Variants in SGCZ observed in about 807,000 individuals in gnomAD.
The protein encoded by SGCZ is sarcoglycan zeta.
In SGCZ, 40 loss-of-function variants were observed where a neutral mutation model predicts 41.3. That is an observed-to-expected ratio of 0.97 (90% CI 0.75 to 1.26). The LOEUF (loss-of-function observed/expected upper bound fraction) is 1.26. Among genes scored for constraint, SGCZ ranks in the 50% most tolerant of loss-of-function variants. The pLI, the probability that SGCZ is intolerant of heterozygous loss-of-function variation, is 0.00. For missense variants in SGCZ, 552 were observed against 369.8 expected (o/e 1.49, Z -4.04); for synonymous variants, 206 against 137.5 (o/e 1.50, Z -3.49).
chr8:14,971,626 G>T (rs540254199), intron 1 of SGCZ, among the ~76,000 whole-genome samples: 24 of 148,572 alleles, frequency 1.6e-4, no homozygotes, highest in Non-Finnish European at 3.3e-4. Context: ...TGGTCATGAG[G>T]CATTACTCAT....
At chr8:14,858,583 C>G (rs951382776) in intron 1 of SGCZ, among the ~76,000 whole-genome samples, 3 of 152,052 alleles carry the variant, frequency 2.0e-5, no homozygotes, top group Non-Finnish European at 2.9e-5. Context: ...ACAATGAAAG[C>G]CAGCACAATT....
chr8:15,058,016 C>T (rs940370736), intron 1 of SGCZ, among the ~76,000 whole-genome samples: 2 of 152,000 alleles, frequency 1.3e-5, no homozygotes, highest in African/African-American at 2.4e-5. Flanking sequence ...AACACAGATT[C>T]AAGGAGTCAT....
intron 1 of SGCZ, among the ~76,000 whole-genome samples, chr8:14,644,164 G>A (rs890683407): frequency 5.9e-5 from 9 of 151,698 alleles, no homozygotes; most frequent in African/African-American, 2.2e-4. Flanking sequence ...GTGCCCAGTT[G>A]TTTAGTCAAG....
intron 3 of SGCZ, among the ~76,000 whole-genome samples, chr8:14,289,628 G>C (rs1023790696): frequency 5.3e-5 from 8 of 151,922 alleles, no homozygotes; most frequent in African/African-American, 1.9e-4. Context: ...GGTCATGATA[G>C]CTTTGTATAG....
At chr8:14,493,799 T>A (rs575148006) in intron 2 of SGCZ, among the ~76,000 whole-genome samples, 4 of 152,270 alleles carry the variant, frequency 2.6e-5, no homozygotes, top group African/African-American at 7.2e-5. Flanking sequence ...CATAACAGTG[T>A]GTAACTTTCC....
intron 3 of SGCZ, among the ~76,000 whole-genome samples, chr8:14,253,231 A>C (rs1799346964): frequency 8.0e-6 from 1 of 124,618 alleles, no homozygotes; most frequent in South Asian, 2.5e-4. Flanking sequence ...CTAAAAAATA[A>C]GTTGTGTGTA....
chr8:14,302,610 T>A (rs1041248592), intron 3 of SGCZ, among the ~76,000 whole-genome samples: 1 of 152,098 alleles, frequency 6.6e-6, no homozygotes, highest in African/African-American at 2.4e-5. Context: ...GGCTGGCTCC[T>A]TCATCTGCCC....
chr8:14,198,461 C>G (rs1020783064), intron 4 of SGCZ, among the ~76,000 whole-genome samples: 4 of 151,952 alleles, frequency 2.6e-5, no homozygotes, highest in African/African-American at 9.7e-5. Context: ...AAGGAGAGAG[C>G]CAAGGGTTGT....
At chr8:14,392,437 T>G (rs1308262437) in intron 2 of SGCZ, among the ~76,000 whole-genome samples, 4 of 152,298 alleles carry the variant, frequency 2.6e-5, no homozygotes, top group African/African-American at 9.6e-5. Context: ...TGAATGAGTT[T>G]AAGGCTGGTT....
chr8:14,112,374 G>A (rs1475162816), intron 5 of SGCZ, among the ~76,000 whole-genome samples: 4 of 148,408 alleles, frequency 2.7e-5, no homozygotes, highest in Non-Finnish European at 5.9e-5. Flanking sequence ...AGTCCATGGG[G>A]CAAAGGTTAA....
At chr8:14,878,850 C>A (rs188313463) in intron 1 of SGCZ, among the ~76,000 whole-genome samples, 107 of 152,272 alleles carry the variant, frequency 7.0e-4, no homozygotes, top group African/African-American at 2.4e-3. Flanking sequence ...TTTCAAGAAA[C>A]AGATGGACAG....
intron 3 of SGCZ, among the ~76,000 whole-genome samples, chr8:14,269,501 T>C (rs554766195): frequency 5.4e-4 from 82 of 152,308 alleles, no homozygotes; most frequent in African/African-American, 2.0e-3. Flanking sequence ...AAGACAATAC[T>C]GAGCTGCTGT....
chr8:15,019,419 C>T (rs750101436), intron 1 of SGCZ, among the ~76,000 whole-genome samples: 10 of 152,220 alleles, frequency 6.6e-5, no homozygotes, highest in Non-Finnish European at 1.5e-4. Context: ...ATATGTTAGG[C>T]TGATTTCTGA....
chr8:15,120,894 G>A (rs117814622), intron 1 of SGCZ, among the ~76,000 whole-genome samples: 2,433 of 152,172 alleles, frequency 0.016, 172 homozygotes, highest in Admixed American at 0.13. Flanking sequence ...TATCAGCCCC[G>A]GGAATTAATC....
At chr8:15,019,484 C>T (rs1020408185) in intron 1 of SGCZ, among the ~76,000 whole-genome samples, 1 of 152,090 alleles carries the variant, frequency 6.6e-6, no homozygotes, top group Non-Finnish European at 1.5e-5. Context: ...CCCCAGCACT[C>T]CTTTCTGTGG....
chr8:14,290,881 T>A (rs6530757), intron 3 of SGCZ, among the ~76,000 whole-genome samples: 1 of 152,096 alleles, frequency 6.6e-6, no homozygotes, highest in Admixed American at 6.6e-5. Context: ...TGAAGAGATA[T>A]CTGCACTCCT....
At chr8:15,128,402 C>T (rs1452346580) in intron 1 of SGCZ, among the ~76,000 whole-genome samples, 3 of 152,226 alleles carry the variant, frequency 2.0e-5, no homozygotes, top group Non-Finnish European at 4.4e-5. Context: ...CATGCCTCAG[C>T]TCCCACTGCT....
At chr8:14,215,021 C>A (rs1015060112) in intron 4 of SGCZ, among the ~76,000 whole-genome samples, 7 of 152,142 alleles carry the variant, frequency 4.6e-5, no homozygotes, top group Admixed American at 4.6e-4. Context: ...AATGGGACCT[C>A]ATTCGCACAT....
At chr8:14,235,315 G>T (rs756169926) in intron 4 of SGCZ, among the ~76,000 whole-genome samples, 4 of 152,108 alleles carry the variant, frequency 2.6e-5, no homozygotes, top group Non-Finnish European at 4.4e-5. Flanking sequence ...TACACTCAAA[G>T]GACCAGGATA....
Sources: gnomAD v4.1 joint callset for allele counts (sites outside exome capture counted in the v4.1 genomes callset) on GRCh38, gnomAD v4.1.1 for gene constraint, MANE v1.5 for transcripts, NCBI Gene and HGNC (gene_info 2026-07-23, HGNC 2026-07-21) for gene names.